PCCA: variants seen among roughly 807,000 people sequenced by gnomAD.
PCCA encodes the protein propionyl-CoA carboxylase subunit alpha, also known as propionyl-CoA carboxylase alpha chain, mitochondrial.
In PCCA, 74 loss-of-function variants were observed where a neutral mutation model predicts 101.3. The ratio of observed to expected loss-of-function variants is 0.73; its 90% CI spans 0.61 to 0.89. The LOEUF (loss-of-function observed/expected upper bound fraction) is 0.89. Ranked by LOEUF, PCCA falls within the 40% of genes least tolerant of loss-of-function variation. The pLI is 0.00. For synonymous variants in PCCA, 294 were observed against 313.6 expected, an observed-to-expected ratio of 0.94 and a Z score of 0.66; for missense variants, 891 against 907.0, an observed-to-expected ratio of 0.98 and a Z score of 0.23.
intron 21 of PCCA, among the ~76,000 whole-genome samples, chr13:100,486,529 AC>A (rs1443682458): frequency 6.6e-6 from 1 of 152,252 alleles, no homozygotes; most frequent in Non-Finnish European, 1.5e-5. Flanking sequence ...GTAAATGTTT[AC>A]AAACATGGAA....
intron 7 of PCCA, among the ~76,000 whole-genome samples, chr13:100,214,035 C>A (rs552140984): frequency 6.6e-6 from 1 of 152,270 alleles, no homozygotes; most frequent in East Asian, 1.9e-4. Context: ...AGTGAATTCA[C>A]TATAGATATA....
intron 20 of PCCA, among the ~76,000 whole-genome samples, chr13:100,443,423 G>T (rs1183995188): frequency 4.0e-5 from 6 of 151,082 alleles, no homozygotes; most frequent in Non-Finnish European, 4.4e-5. Flanking sequence ...CTGCACTCCA[G>T]CCTGGGTGAC....
intron 16 of PCCA, among the ~76,000 whole-genome samples, chr13:100,326,311 T>C (rs1158250583): frequency 1.3e-5 from 2 of 152,050 alleles, no homozygotes; most frequent in African/African-American, 4.8e-5. Flanking sequence ...AGAGGATGAC[T>C]TGATGTAGAT....
intron 18 of PCCA, among the ~76,000 whole-genome samples, chr13:100,354,048 C>T (rs2073623487): frequency 6.8e-6 from 1 of 147,910 alleles, no homozygotes; most frequent in Admixed American, 6.8e-5. Context: ...TCACTTCAGC[C>T]TAGAAGTTTG....
chr13:100,297,646 A>T (rs1019733035), intron 12 of PCCA, among the ~76,000 whole-genome samples: 3 of 152,176 alleles, frequency 2.0e-5, no homozygotes, highest in East Asian at 3.9e-4. Flanking sequence ...AGAATACAAA[A>T]CTAAAAATAG....
chr13:100,407,211 C>G (rs1031969235), intron 19 of PCCA, among the ~76,000 whole-genome samples: 1 of 152,098 alleles, frequency 6.6e-6, no homozygotes, highest in Non-Finnish European at 1.5e-5. Context: ...AAAATATAAC[C>G]TAAAGAAGAT....
chr13:100,394,203 A>G lies in PCCA; in HGVS notation c.1746+25629A>G, dbSNP rs1432548381. On this transcript the variant is annotated intron_variant, in intron 19 of 23. Transcript: ENST00000376285. This position sits in a 1 kb window ranked among gnomAD's most constrained non-coding sequence, Gnocchi z 4.3. Reference sequence around the variant, plus strand: ...TAGAACTGGATGTCCGTTTGTTGCAACTGAATTCTCATTTCATTCATCCAT... The same window carrying G: ...TAGAACTGGATGTCCGTTTGTTGCAGCTGAATTCTCATTTCATTCATCCAT... Among the ~76,000 whole-genome samples, 6 of 152,352 alleles carry G rather than the reference A, an allele frequency of 3.9e-5. No individual in the cohort carries two copies. The highest frequency in any genetic ancestry group is 5.9e-5 in the Non-Finnish European group (4 of 68,022).
rs538705735 is a variant in PCCA at position 100,118,362 on chromosome 13, A to G, written c.300+6301A>G. 7.2e-4 allele frequency among the ~76,000 whole-genome samples: 109 copies of G among 152,186 alleles called. 1 individual carries two copies. Among genetic ancestry groups the G allele is most frequent in the African/African-American group, 2.4e-3 (100 of 41,536 alleles). The stretch of plus-strand genomic sequence containing the variant: ...TTGATCCACAGTTCAATCAAGGTTC[A>G]TGAGTTACATTTGTTTATTATACCT... On this transcript the variant is annotated intron_variant, in intron 4 of 23. Coordinates refer to ENST00000376285, the MANE Select transcript of PCCA (RefSeq NM_000282.4).
intron 4 of PCCA, among the ~76,000 whole-genome samples, chr13:100,118,295 G>A (rs1244763759): frequency 6.6e-6 from 1 of 151,974 alleles, no homozygotes; most frequent in Non-Finnish European, 1.5e-5. Context: ...CCACATTCAG[G>A]TTTTTCCAGT....
chr13:100,251,117 G>A (rs1171512191), intron 8 of PCCA, among the ~76,000 whole-genome samples: 2 of 152,172 alleles, frequency 1.3e-5, no homozygotes, highest in African/African-American at 4.8e-5. Flanking sequence ...ACTGCTGGTA[G>A]TTTGTGTAAG....
At chr13:100,188,224 T>G (rs1261580281) in intron 6 of PCCA, among the ~76,000 whole-genome samples, 1 of 151,386 alleles carries the variant, frequency 6.6e-6, no homozygotes, top group East Asian at 1.9e-4. Flanking sequence ...AGCCGGGAGG[T>G]GGAGGTTGCA....
intron 21 of PCCA, among the ~76,000 whole-genome samples, chr13:100,512,703 C>A (rs1306822257): frequency 4.6e-5 from 7 of 152,270 alleles, no homozygotes; most frequent in Admixed American, 2.6e-4. Flanking sequence ...TCCTACTACT[C>A]TGTCCTGTCC....
chr13:100,345,497 G>C (rs572179032), intron 18 of PCCA, among the ~76,000 whole-genome samples: 12 of 152,308 alleles, frequency 7.9e-5, no homozygotes, highest in Non-Finnish European at 1.6e-4. Context: ...CGGAAGAAAA[G>C]CTTAAAGCTA....
chr13:100,446,948 A>G (rs963068265), intron 20 of PCCA, among the ~76,000 whole-genome samples: 1 of 152,222 alleles, frequency 6.6e-6, no homozygotes, highest in Non-Finnish European at 1.5e-5. Context: ...GGCTGGATAT[A>G]TACCACAATT....
chr13:100,134,212 A>G (rs142695874), intron 4 of PCCA, among the ~76,000 whole-genome samples: 1 of 152,330 alleles, frequency 6.6e-6, no homozygotes, highest in Non-Finnish European at 1.5e-5. Context: ...TCTGTCAAAA[A>G]TCAAATGGGG....
At chr13:100,138,693 G>A (rs9585359) in intron 4 of PCCA, among the ~76,000 whole-genome samples, 8,664 of 152,046 alleles carry the variant, frequency 0.057, 845 homozygotes, top group African/African-American at 0.2. Context: ...ACAGCACTTT[G>A]GGAGGCCGAA....
At chr13:100,452,283 G>GC (rs2081385969) in intron 21 of PCCA, among the ~76,000 whole-genome samples, 3 of 148,878 alleles carry the variant, frequency 2.0e-5, no homozygotes, top group Admixed American at 6.7e-5. Flanking sequence ...GTGTCCCCAC[G>GC]CCCCCCACTC....
At chr13:100,373,808 A>G (rs532525006) in intron 19 of PCCA, among the ~76,000 whole-genome samples, 1 of 152,312 alleles carries the variant, frequency 6.6e-6, no homozygotes, top group African/African-American at 2.4e-5. Flanking sequence ...ATTTATAATG[A>G]AAAACTTAAA....
chr13:100,182,246 G>A (rs537307340), intron 6 of PCCA, among the ~76,000 whole-genome samples: 4 of 151,492 alleles, frequency 2.6e-5, no homozygotes, highest in Admixed American at 6.6e-5. Context: ...ACAGGTGTGC[G>A]CCACCACACC....
Sources: allele counts gnomAD v4.1 joint callset (sites outside exome capture counted in the v4.1 genomes callset), GRCh38; gene constraint gnomAD v4.1.1; non-coding constraint Gnocchi (gnomAD v3.1); transcripts MANE v1.5; gene names NCBI Gene and HGNC (gene_info 2026-07-23, HGNC 2026-07-21).